The following EIF4G3 variants were observed in gnomAD, a reference collection of about 807,000 sequenced individuals.
The protein encoded by EIF4G3 is eIF-4-gamma 3.
A neutral mutation model predicts 186.4 loss-of-function variants in EIF4G3; 34 were observed. That is an observed-to-expected ratio of 0.18 (90% CI 0.14 to 0.24). The LOEUF (loss-of-function observed/expected upper bound fraction) is 0.24, where lower values mean the gene tolerates loss of function less well. Ranked by LOEUF, EIF4G3 falls within the 10% of genes least tolerant of loss-of-function variation. The pLI, the probability that EIF4G3 is intolerant of heterozygous loss-of-function variation, is 1.00. For missense variants in EIF4G3, 1,536 were observed against 1,948.5 expected (o/e 0.79, Z 3.99); for synonymous variants, 673 against 679.5 (o/e 0.99, Z 0.15).
At chr1:21,053,084 C>G (rs1310108884) in intron 3 of EIF4G3, among the ~76,000 whole-genome samples, 2 of 151,054 alleles carry the variant, frequency 1.3e-5, no homozygotes, top group African/African-American at 4.9e-5. Flanking sequence ...GCTGCCCAGT[C>G]TGGAAAGTGA....
intron 2 of EIF4G3, among the ~76,000 whole-genome samples, chr1:21,115,652 G>A (rs1480617797): frequency 6.6e-6 from 1 of 152,182 alleles, no homozygotes; most frequent in East Asian, 1.9e-4. Context: ...CTACTTCAGA[G>A]AGCTGATATA....
chr1:20,985,186 T>A (rs1239719570), intron 7 of EIF4G3, among the ~76,000 whole-genome samples: 1 of 152,212 alleles, frequency 6.6e-6, no homozygotes, highest in African/African-American at 2.4e-5. Flanking sequence ...GGGTGGCATG[T>A]CCCTCAATCA....
chr1:21,140,313 A>C (rs2102641150), intron 2 of EIF4G3, among the ~76,000 whole-genome samples: 1 of 152,190 alleles, frequency 6.6e-6, no homozygotes, highest in African/African-American at 2.4e-5. Flanking sequence ...AGCATGGGCA[A>C]ATTTTTTTTT....
At chr1:20,872,296 CTTTT>C (rs5772921) in intron 20 of EIF4G3, among the ~76,000 whole-genome samples, 1 of 148,394 alleles carries the variant, frequency 6.7e-6, no homozygotes. Context: ...CTTTTTCACA[CTTTT>C]TTTTTTTTTG....
intron 3 of EIF4G3, among the ~76,000 whole-genome samples, chr1:21,068,593 A>C (rs2095344878): frequency 6.6e-6 from 1 of 152,094 alleles, no homozygotes; most frequent in South Asian, 2.1e-4. Context: ...ACCAAAGTTC[A>C]AATCCAACCT....
intron 2 of EIF4G3, among the ~76,000 whole-genome samples, chr1:21,091,140 CT>C (rs995556614): frequency 1.5e-4 from 23 of 152,006 alleles, no homozygotes; most frequent in African/African-American, 5.1e-4. Flanking sequence ...CTATAGTCTT[CT>C]TTTTTTAATT....
intron 14 of EIF4G3, among the ~76,000 whole-genome samples, chr1:20,921,360 G>A (rs537763967): frequency 7.2e-4 from 109 of 152,344 alleles, no homozygotes; most frequent in Non-Finnish European, 1.1e-3. Context: ...TAGGCAAAGA[G>A]AAAAGAAGTG....
rs2097606363 is a variant in EIF4G3, at chr1:21,154,618, C to T, written c.-272+21557G>A. Reference sequence around the variant, plus strand: ...ACACTTCCTAACTGCTTTCTGGTTGCATATCCAACGGTTCATCTGAGCATT... The same window carrying T: ...ACACTTCCTAACTGCTTTCTGGTTGTATATCCAACGGTTCATCTGAGCATT... On this transcript the variant is annotated intron_variant, in intron 2 of 36. Coordinates refer to ENST00000602326, the MANE Select transcript of EIF4G3 (RefSeq NM_001391906.1). Among the ~76,000 whole-genome samples, 3 of 152,178 alleles carry T rather than the reference C, an allele frequency of 2.0e-5. No individual in the cohort carries two copies. In the South Asian group the frequency reaches 6.2e-4, roughly 31 times the overall value.
intron 7 of EIF4G3, among the ~76,000 whole-genome samples, chr1:20,985,166 CTAT>C (rs2079176981): frequency 6.6e-6 from 1 of 152,194 alleles, no homozygotes; most frequent in Non-Finnish European, 1.5e-5. Context: ...CTTTATCCAA[CTAT>C]ACTAACGGGT....
chr1:21,133,068 G>A (rs1179626575), intron 2 of EIF4G3, among the ~76,000 whole-genome samples: 2 of 152,170 alleles, frequency 1.3e-5, no homozygotes, highest in Non-Finnish European at 2.9e-5. Context: ...ATAGGTGTGA[G>A]CAATCATGCC....
At chr1:20,894,038 C>T (rs1226152411) in intron 17 of EIF4G3, among the ~76,000 whole-genome samples, 1 of 151,912 alleles carries the variant, frequency 6.6e-6, no homozygotes, top group African/African-American at 2.4e-5. Context: ...CCTGCTACTG[C>T]TCATTTTAGT....
At chr1:20,864,448 G>A (rs562899319) in intron 22 of EIF4G3, 28 bp downstream of exon 22, 32 of 1,560,808 alleles carry the variant, frequency 2.1e-5, no homozygotes, top group Non-Finnish European at 2.6e-5. Context: ...GAGCCTTTGC[G>A]AAGGTTTCTG....
intron 15 of EIF4G3, among the ~76,000 whole-genome samples, chr1:20,902,643 GTTATT>G (rs974970780): frequency 1.3e-5 from 2 of 152,038 alleles, no homozygotes; most frequent in Admixed American, 6.6e-5. Flanking sequence ...AATTTTTTAG[GTTATT>G]TTATTTTTTT....
At chr1:20,914,322 A>G (rs2093625613) in intron 14 of EIF4G3, among the ~76,000 whole-genome samples, 1 of 152,102 alleles carries the variant, frequency 6.6e-6, no homozygotes, top group Non-Finnish European at 1.5e-5. Context: ...ATCCTAGATT[A>G]ACCCAGTGGA....
intron 14 of EIF4G3, among the ~76,000 whole-genome samples, chr1:20,938,253 C>G (rs1207423277): frequency 6.6e-6 from 1 of 152,182 alleles, no homozygotes; most frequent in Non-Finnish European, 1.5e-5. Flanking sequence ...CCTCAGCCTC[C>G]CAAAGTGCTG....
chr1:20,830,072 C>T (rs1319472846), intron 30 of EIF4G3, among the ~76,000 whole-genome samples: 2 of 152,218 alleles, frequency 1.3e-5, no homozygotes, highest in East Asian at 1.9e-4. Flanking sequence ...AATTTAACTA[C>T]AGGAGACATA....
rs561747682 is a variant in EIF4G3, at chr1:20,876,420, G to A, written c.2622+2903C>T. On this transcript the variant is annotated intron_variant, in intron 20 of 36. Coordinates refer to ENST00000602326, the MANE Select transcript of EIF4G3 (RefSeq NM_001391906.1). ...AAAATCTATCTGTAATGACCTAGAC[G>A]GCTGCCCAAAACATTTATTAAGTAA... Among the ~76,000 whole-genome samples the A allele has an allele frequency of 1.3e-3, 181 of 144,632 alleles. 1 individual carries two copies. The highest frequency in any genetic ancestry group is 4.3e-3 in the African/African-American group (169 of 39,374). The allele number at this position is 144,632 out of a possible 152,430, so 94.9% of individuals were successfully genotyped here.
At chr1:20,877,421 T>C (rs1267916236) in intron 20 of EIF4G3, among the ~76,000 whole-genome samples, 1 of 152,238 alleles carries the variant, frequency 6.6e-6, no homozygotes, top group Non-Finnish European at 1.5e-5. Context: ...TTTTTCCTTT[T>C]CAAGCTCAGC....
chr1:20,975,719 T>C (rs531280961), intron 10 of EIF4G3, among the ~76,000 whole-genome samples: 4 of 152,012 alleles, frequency 2.6e-5, no homozygotes, highest in Non-Finnish European at 5.9e-5. Context: ...ACATACCATT[T>C]ATTAATTAGT....
Sources: gnomAD v4.1 joint callset for allele counts (sites outside exome capture counted in the v4.1 genomes callset) on GRCh38, gnomAD v4.1.1 for gene constraint, MANE v1.5 for transcripts, NCBI Gene and HGNC (gene_info 2026-07-23, HGNC 2026-07-21) for gene names.